Variants in CMC2 observed in about 807,000 individuals in gnomAD.
CMC2 encodes the protein COX assembly mitochondrial protein 2 homolog.
In CMC2, 5 loss-of-function variants were observed where a neutral mutation model predicts 7.5. That is an observed-to-expected ratio of 0.66 (90% confidence interval 0.35 to 1.40). The LOEUF (loss-of-function observed/expected upper bound fraction) is 1.40, where lower values mean the gene tolerates loss of function less well. Among genes scored for constraint, CMC2 ranks in the 40% most tolerant of loss-of-function variants. The probability of loss-of-function intolerance (pLI) is 0.04; values close to 1 mark genes in which losing one functional copy is unlikely to be tolerated. For missense variants in CMC2, 115 were observed against 92.3 expected, an observed-to-expected ratio of 1.25 and a Z score of -1.01; for synonymous variants, 37 against 31.4, an observed-to-expected ratio of 1.18 and a Z score of -0.60.
rs1009557349 is a variant in CMC2 at position 80,968,605 on chromosome 16, G to C, written c.*7488C>G. On this transcript the variant is annotated 3_prime_UTR_variant, in exon 4 of 4. Transcript: ENST00000219400. The stretch of plus-strand genomic sequence containing the variant: ...CATTCCTAGGGGGCAGTCTTTCCAA[G>C]GTAAAATTTTATGTACAGGATATCT... 12 of 152,200 alleles carry C rather than the reference G, an allele frequency of 7.9e-5. No homozygotes were observed. The highest frequency in any genetic ancestry group is 2.6e-4 in the African/African-American group (11 of 41,532). 9.4% of individuals were successfully genotyped at this position (152,200 alleles called of 1,614,324 possible).
chr16:80,992,056 C>A, intron 2 of CMC2: 1 of 403,644 alleles, frequency 2.5e-6, no homozygotes, highest in South Asian at 1.8e-5. Context: ...GGTTTATTAA[C>A]TGTAACAAAC....
At position 81,000,714 on chromosome 16, in the gene CMC2, T is replaced by C. The variant is rs191736142; in HGVS notation, c.-35-3285A>G. Among the ~76,000 whole-genome samples, 159 of 151,726 alleles carry C rather than the reference T, an allele frequency of 1.0e-3. No homozygotes were observed. The Middle Eastern group carries it at 0.017, about 16-fold the overall frequency. On this transcript the variant is annotated intron_variant, in intron 1 of 3. Coordinates refer to ENST00000219400, the MANE Select transcript of CMC2 (RefSeq NM_020188.5). ...AAAAAAACACAGATGCTGGGGGAGGTTGTGAGAAAAGAGAATGCTTATACA... is the reference window on the plus strand; with the variant it reads ...AAAAAAACACAGATGCTGGGGGAGGCTGTGAGAAAAGAGAATGCTTATACA...
At chr16:81,005,914 G>C (rs535880849) in intron 1 of CMC2, among the ~76,000 whole-genome samples, 1 of 152,164 alleles carries the variant, frequency 6.6e-6, no homozygotes, top group South Asian at 2.1e-4. Context: ...ATCGATGTTC[G>C]CGGAATGTCA....
Position 80,971,682 on chromosome 16 carries a change from T to G in CMC2, c.*4411A>C, listed in dbSNP as rs1016918238. ...TAGTTACCACCAATAAAGAAATAAG[T>G]GGAACGGGCTTGGGGTGACAAACAC... On this transcript the variant is annotated 3_prime_UTR_variant, in exon 4 of 4. Coordinates refer to ENST00000219400, the MANE Select transcript of CMC2 (RefSeq NM_020188.5). 4 of 150,588 alleles carry G rather than the reference T, an allele frequency of 2.7e-5. No individual in the cohort carries two copies. Among genetic ancestry groups the G allele is most frequent in the Admixed American group, 2.6e-4 (4 of 15,096 alleles). 9.3% of individuals were successfully genotyped at this position (150,588 alleles called of 1,614,324 possible).
chr16:80,972,379 T>G lies in CMC2; in HGVS notation c.*3714A>C, dbSNP rs1045069613. The G allele has an allele frequency of 5.9e-5, 9 of 152,240 alleles. No individual in the cohort carries two copies. Among genetic ancestry groups the G allele is most frequent in the African/African-American group, 1.9e-4 (8 of 41,550 alleles). 9.4% of individuals were successfully genotyped at this position (152,240 alleles called of 1,614,324 possible). A position where few individuals can be genotyped will look rare whatever the true frequency, so the allele number is the denominator to read the frequency against. On this transcript the variant is annotated 3_prime_UTR_variant, in exon 4 of 4. Coordinates refer to ENST00000219400, the MANE Select transcript of CMC2 (RefSeq NM_020188.5). ...GATTTTTTGTTTTTCGTTTTTTTTG[T>G]TTTTTTCTAAGAACAGAATGATTTG...
intron 2 of CMC2, among the ~76,000 whole-genome samples, chr16:80,990,062 G>A (rs895256077): frequency 3.2e-4 from 49 of 151,514 alleles, no homozygotes; most frequent in African/African-American, 1.1e-3. Context: ...TTCCATTTTT[G>A]AGTTTTCTTC....
At position 80,973,529 on chromosome 16, in the gene CMC2, C is replaced by G. The variant is rs1166666569; in HGVS notation, c.*2564G>C. On this transcript the variant is annotated 3_prime_UTR_variant, in exon 4 of 4. Transcript: ENST00000219400. ...TAACCATAACTATTCACCGAATAAC[C>G]AGAAAGATCTTTATAAAATATAAAT... 6.6e-6 allele frequency: 1 copy of G among 152,122 alleles called. No homozygotes were observed. The highest frequency in any genetic ancestry group is 2.4e-5 in the African/African-American group (1 of 41,418). 9.4% of individuals were successfully genotyped at this position (152,122 alleles called of 1,614,324 possible). A position where few individuals can be genotyped will look rare whatever the true frequency, so the allele number is the denominator to read the frequency against.
At chr16:80,991,273 C>T (rs756484329) in intron 2 of CMC2, among the ~76,000 whole-genome samples, 4 of 152,074 alleles carry the variant, frequency 2.6e-5, no homozygotes, top group Admixed American at 1.3e-4. Context: ...CCAGTCCTTA[C>T]GTGTAGGCTG....
rs1209068543 is a variant in CMC2, at chr16:80,970,347, A to C, written c.*5746T>G. On this transcript the variant is annotated 3_prime_UTR_variant, in exon 4 of 4. Coordinates refer to ENST00000219400, the MANE Select transcript of CMC2 (RefSeq NM_020188.5). ...ATCCTAACTGTAAAGGAATTGGAGAAAATGCAGTATTTAGCTTTTGAGTTT... is the reference window on the plus strand; with the variant it reads ...ATCCTAACTGTAAAGGAATTGGAGACAATGCAGTATTTAGCTTTTGAGTTT... 2 of 152,224 alleles carry C rather than the reference A, an allele frequency of 1.3e-5. No individual in the cohort carries two copies. The highest frequency in any genetic ancestry group is 2.9e-5 in the Non-Finnish European group (2 of 68,044). 9.4% of individuals were successfully genotyped at this position (152,224 alleles called of 1,614,324 possible). A position where few individuals can be genotyped will look rare whatever the true frequency, so the allele number is the denominator to read the frequency against.
intron 2 of CMC2, 98 bp from the exon 3 acceptor site, chr16:80,981,975 G>A (rs1255806564): frequency 1.5e-6 from 1 of 660,800 alleles, no homozygotes; most frequent in African/African-American, 1.8e-5. Context: ...AGTTTACAGT[G>A]TCACTTTGTT....
At position 81,006,750 on chromosome 16, in the gene CMC2, C is replaced by T. The variant is rs1443838144; in HGVS notation, c.-52G>A. The T allele has an allele frequency of 2.1e-5, 21 of 985,596 alleles. No homozygotes were observed. The highest frequency in any genetic ancestry group is 2.5e-5 in the Non-Finnish European group (21 of 830,166). 61.1% of individuals were successfully genotyped at this position (985,596 alleles called of 1,614,324 possible). ...GAGACTCACCCGACTCGTGGCCACA[C>T]CGGGAGAACTGAAGCGGCAGTAGCC... On this transcript the variant is annotated 5_prime_UTR_variant, in exon 1 of 4. In the 5' UTR this introduces an upstream ATG that the reference lacks. Coordinates refer to ENST00000219400, the MANE Select transcript of CMC2 (RefSeq NM_020188.5).
chr16:80,977,801 G>C lies in CMC2; in HGVS notation c.154-1622C>G, dbSNP rs369095577. Among the ~76,000 whole-genome samples, 3 of 152,312 alleles carry C rather than the reference G, an allele frequency of 2.0e-5. No homozygotes were observed. The East Asian group carries it at 5.8e-4, about 29-fold the overall frequency. On this transcript the variant is annotated intron_variant, in intron 3 of 3. Transcript: ENST00000219400. ...AAAAGGCTACTTCAGGCCGGGTGCG[G>C]TGACTCATGCTTATAATCCCAGCAC...
intron 3 of CMC2, among the ~76,000 whole-genome samples, chr16:80,981,388 A>C (rs1425425499): frequency 6.6e-6 from 1 of 151,564 alleles, no homozygotes; most frequent in Non-Finnish European, 1.5e-5. Context: ...AACTACAAAG[A>C]AATTCAAAAT....
chr16:80,971,186 G>C lies in CMC2; in HGVS notation c.*4907C>G, dbSNP rs528328523. The C allele has an allele frequency of 6.6e-6, 1 of 152,212 alleles. No individual in the cohort carries two copies. The highest frequency in any genetic ancestry group is 1.9e-4 in the East Asian group (1 of 5,182). The allele number at this position is 152,212 out of a possible 1,614,324, so 9.4% of individuals were successfully genotyped here. ...ATAAAATCTTAAAAACATTTGGGGTGTAATTTAGCAACTTCTAGTAAGTTT... is the reference window on the plus strand; with the variant it reads ...ATAAAATCTTAAAAACATTTGGGGTCTAATTTAGCAACTTCTAGTAAGTTT... On this transcript the variant is annotated 3_prime_UTR_variant, in exon 4 of 4. Coordinates refer to ENST00000219400, the MANE Select transcript of CMC2 (RefSeq NM_020188.5).
intron 3 of CMC2, among the ~76,000 whole-genome samples, chr16:80,979,211 TTAG>T (rs1230156535): frequency 2.0e-5 from 3 of 151,914 alleles, no homozygotes; most frequent in Non-Finnish European, 4.4e-5. Flanking sequence ...GACTCAGAGA[TTAG>T]TGATGGGCAA....
In CMC2 at chr16:80,969,203, A is replaced by T. The variant is rs981853405; in HGVS notation, c.*6890T>A. On this transcript the variant is annotated 3_prime_UTR_variant, in exon 4 of 4. Transcript: ENST00000219400. ...ACAGTATTTACAACAAAATTAGGTT[A>T]AAATGTAACCCTCATATCCCAAAAT... The T allele has an allele frequency of 6.6e-6, 1 of 152,266 alleles. No individual in the cohort carries two copies. The highest frequency in any genetic ancestry group is 1.5e-5 in the Non-Finnish European group (1 of 68,058). 9.4% of individuals were successfully genotyped at this position (152,266 alleles called of 1,614,324 possible). A position where few individuals can be genotyped will look rare whatever the true frequency, so the allele number is the denominator to read the frequency against.
intron 3 of CMC2, among the ~76,000 whole-genome samples, chr16:80,980,112 G>T (rs536430281): frequency 4.6e-5 from 7 of 151,862 alleles, no homozygotes; most frequent in Admixed American, 6.6e-5. Flanking sequence ...TTGAGACAGG[G>T]TCTCACTATG....
rs1912028258 is a variant in CMC2, at chr16:80,972,894, T to C, written c.*3199A>G. 1 of 152,290 alleles carries C rather than the reference T, an allele frequency of 6.6e-6. No individual in the cohort carries two copies. The highest frequency in any genetic ancestry group is 1.5e-5 in the Non-Finnish European group (1 of 68,100). The allele number at this position is 152,290 out of a possible 1,614,324, so 9.4% of individuals were successfully genotyped here. On this transcript the variant is annotated 3_prime_UTR_variant, in exon 4 of 4. Coordinates refer to ENST00000219400, the MANE Select transcript of CMC2 (RefSeq NM_020188.5). ...GAACCACATCCATCTTATTCCATGG[T>C]ATCACCTGCACCCAGCACAATGCCA...
rs1166037867 is a variant in CMC2, at chr16:80,985,808, CA to C, written c.82-3932del. On this transcript the variant is annotated intron_variant, in intron 2 of 3. Coordinates refer to ENST00000219400, the MANE Select transcript of CMC2 (RefSeq NM_020188.5). ...TGAAGGATGATAAGACCTGGTTTAGCAAACAGTAAGTGGAGCCAGGAGGAAT... is the reference window on the plus strand; with the variant it reads ...TGAAGGATGATAAGACCTGGTTTAGCAACAGTAAGTGGAGCCAGGAGGAAT... Among the ~76,000 whole-genome samples the C allele has an allele frequency of 2.1e-5, 3 of 141,510 alleles. No homozygotes were observed. The Admixed American group carries it at 2.3e-4, about 11-fold the overall frequency. The allele number at this position is 141,510 out of a possible 152,430, so 92.8% of individuals were successfully genotyped here.
Sources: gnomAD v4.1 joint callset for allele counts (sites outside exome capture counted in the v4.1 genomes callset) on GRCh38, gnomAD v4.1.1 for gene constraint, MANE v1.5 for transcripts, NCBI Gene and HGNC (gene_info 2026-07-23, HGNC 2026-07-21) for gene names.